Variants in SND1 observed in about 807,000 individuals in gnomAD.
SND1 encodes the protein staphylococcal nuclease and tudor domain containing 1, also known as staphylococcal nuclease domain-containing protein 1.
In SND1, 38 loss-of-function variants were observed where a neutral mutation model predicts 121.7. That is an observed-to-expected ratio of 0.31 (90% CI 0.24 to 0.41). The LOEUF (loss-of-function observed/expected upper bound fraction) is 0.41. Ranked by LOEUF, SND1 falls within the 10% of genes least tolerant of loss-of-function variation. The probability of loss-of-function intolerance (pLI) is 1.00; values close to 1 mark genes in which losing one functional copy is unlikely to be tolerated. For synonymous variants in SND1, 401 were observed against 447.4 expected (o/e 0.90, Z 1.31); for missense variants, 868 against 1,184.6 (o/e 0.73, Z 3.92).
chr7:127,916,431 C>G (rs756413102), intron 14 of SND1, among the ~76,000 whole-genome samples: 13 of 152,076 alleles, frequency 8.5e-5, no homozygotes, highest in Non-Finnish European at 1.6e-4. Flanking sequence ...TTAAGACTTT[C>G]TGAACATGTT....
chr7:127,804,058 A>G (rs1392138320), intron 10 of SND1, among the ~76,000 whole-genome samples: 1 of 151,922 alleles, frequency 6.6e-6, no homozygotes, highest in East Asian at 1.9e-4. Flanking sequence ...TAAACTAGAC[A>G]GTTCTGTTTA....
At chr7:127,932,478 G>A (rs1800973324) in intron 15 of SND1, among the ~76,000 whole-genome samples, 1 of 152,196 alleles carries the variant, frequency 6.6e-6, no homozygotes, top group Non-Finnish European at 1.5e-5. Context: ...AAGATGCTGT[G>A]AACATTGTAG....
chr7:127,952,321 G>T (rs73721265), intron 15 of SND1, among the ~76,000 whole-genome samples: 2,465 of 152,174 alleles, frequency 0.016, 90 homozygotes, highest in African/African-American at 0.056. Context: ...CATATTTGTG[G>T]CACCAATGTG....
chr7:127,904,620 C>CA, intron 13 of SND1, 127 bp from the exon 14 acceptor site: 1 of 640,034 alleles, frequency 1.6e-6, no homozygotes. Flanking sequence ...CAGCAGTGTA[C>CA]AGTGTGACTT....
chr7:127,920,243 GA>G (rs1189910946), intron 14 of SND1, among the ~76,000 whole-genome samples: 2 of 152,182 alleles, frequency 1.3e-5, no homozygotes, highest in African/African-American at 4.8e-5. Context: ...TTTTGTCTAT[GA>G]AATAGTTTAT....
intron 11 of SND1, among the ~76,000 whole-genome samples, chr7:127,834,638 C>G (rs1302606724): frequency 6.6e-6 from 1 of 152,080 alleles, no homozygotes; most frequent in Non-Finnish European, 1.5e-5. Context: ...GGAAGAAAGG[C>G]TGATATTGAT....
chr7:128,031,544 A>AG (rs908703620), intron 16 of SND1: 1 of 150,788 alleles, frequency 6.6e-6, no homozygotes, highest in Non-Finnish European at 1.5e-5. Flanking sequence ...GGTGGAAGAG[A>AG]CAAAAACGGG....
intron 16 of SND1, among the ~76,000 whole-genome samples, chr7:127,993,478 G>GACCTCCC: frequency 6.6e-6 from 1 of 152,288 alleles, no homozygotes; most frequent in East Asian, 1.9e-4. Flanking sequence ...GTGGGCCCAC[G>GACCTCCC]ACCTCCCACC....
chr7:127,933,038 G>A (rs1437085732), intron 15 of SND1, among the ~76,000 whole-genome samples: 2 of 152,160 alleles, frequency 1.3e-5, no homozygotes, highest in Non-Finnish European at 2.9e-5. Flanking sequence ...GCAATGTAGA[G>A]CTTTATCCCA....
At chr7:128,056,772 T>C (rs906534690) in intron 16 of SND1, among the ~76,000 whole-genome samples, 1 of 152,180 alleles carries the variant, frequency 6.6e-6, no homozygotes, top group Non-Finnish European at 1.5e-5. Flanking sequence ...ACTAGACATA[T>C]ACAGTGTTTT....
intron 11 of SND1, among the ~76,000 whole-genome samples, chr7:127,831,794 G>A (rs759557831): frequency 1.3e-5 from 2 of 152,064 alleles, no homozygotes; most frequent in Admixed American, 6.5e-5. Context: ...TTAGCTCACC[G>A]TATTGTTTCT....
intron 10 of SND1, among the ~76,000 whole-genome samples, chr7:127,764,010 G>C (rs1797357925): frequency 6.8e-6 from 1 of 146,262 alleles, no homozygotes; most frequent in African/African-American, 2.6e-5. Flanking sequence ...CTGCACTCCA[G>C]CTGGGGTGAC....
At chr7:127,885,189 A>G (rs1245813976) in intron 12 of SND1, among the ~76,000 whole-genome samples, 1 of 152,152 alleles carries the variant, frequency 6.6e-6, no homozygotes, top group Non-Finnish European at 1.5e-5. Context: ...CTGCCCTCAC[A>G]GTGTTTATCA....
intron 12 of SND1, among the ~76,000 whole-genome samples, chr7:127,867,453 C>T (rs1314508049): frequency 3.3e-5 from 5 of 152,156 alleles, no homozygotes; most frequent in Non-Finnish European, 7.3e-5. Context: ...ATGCTGCTGA[C>T]TTCCCTTTCC....
intron 16 of SND1, among the ~76,000 whole-genome samples, chr7:127,995,337 T>C (rs539441958): frequency 6.6e-5 from 10 of 152,370 alleles, no homozygotes; most frequent in African/African-American, 2.4e-4. Flanking sequence ...TAGCATGTAC[T>C]TGGTGACCCC....
chr7:128,036,248 AC>A (rs1562877844), intron 16 of SND1, among the ~76,000 whole-genome samples: 2 of 152,178 alleles, frequency 1.3e-5, no homozygotes, highest in Admixed American at 1.3e-4. Flanking sequence ...GTGTGCAAAC[AC>A]CTATCAGGGA....
At chr7:127,934,472 G>A (rs1801015456) in intron 15 of SND1, among the ~76,000 whole-genome samples, 1 of 152,160 alleles carries the variant, frequency 6.6e-6, no homozygotes, top group Non-Finnish European at 1.5e-5. Flanking sequence ...AAATAAATGA[G>A]GCGCAAGAAT....
At chr7:127,739,560 T>TC (rs1796839022) in intron 10 of SND1, among the ~76,000 whole-genome samples, 1 of 152,160 alleles carries the variant, frequency 6.6e-6, no homozygotes, top group South Asian at 2.1e-4. Context: ...AGCTGTTCTG[T>TC]CCCCTGGGTG....
chr7:127,991,022 C>T lies in SND1; in HGVS notation c.1745C>T (p.Thr582Ile). 1.9e-6 allele frequency: 3 copies of T among 1,613,986 alleles called. No individual in the cohort carries two copies. Among genetic ancestry groups the T allele is most frequent in the Non-Finnish European group, 1.7e-6 (2 of 1,179,934 alleles). The change falls in exon 16 of 24, where the codon ACA becomes ATA. Residue 582 changes from threonine to isoleucine, a missense_variant. By Grantham distance (89) the Thr-to-Ile change is moderately conservative (BLOSUM62 -1). Coordinates refer to ENST00000354725, the MANE Select transcript of SND1 (RefSeq NM_014390.4). The part of the protein sequence containing the change: ...QEGEPFSEEA[T>I]LFTKELVLQR... ...GGAGAGCCCTTCAGCGAGGAAGCTA[C>T]ACTTTTCACCAAGGAACTGGTGCTG...
Sources: gnomAD v4.1 joint callset for allele counts (sites outside exome capture counted in the v4.1 genomes callset) on GRCh38, gnomAD v4.1.1 for gene constraint, MANE v1.5 for transcripts, NCBI Gene and HGNC (gene_info 2026-07-23, HGNC 2026-07-21) for gene names.